Variants in CDK14 observed in about 807,000 individuals in gnomAD.
CDK14 encodes cyclin dependent kinase 14, also known as cyclin-dependent kinase 14.
Under a neutral mutation model 60.7 loss-of-function variants are expected in CDK14, and 34 were observed. That is an observed-to-expected ratio of 0.56 (90% CI 0.43 to 0.75). The LOEUF is 0.75. CDK14 is among the 30% of genes least tolerant of loss of function. The pLI is 0.00. For synonymous variants in CDK14, 197 were observed against 203.7 expected (o/e 0.97, Z 0.28); for missense variants, 482 against 564.1 (o/e 0.85, Z 1.47).
chr7:90,816,259 C>T (rs1339479746), intron 5 of CDK14, among the ~76,000 whole-genome samples: 4 of 152,078 alleles, frequency 2.6e-5, no homozygotes, highest in South Asian at 2.1e-4. Flanking sequence ...ACTAGTACTT[C>T]CACTCCACAT....
chr7:91,030,160 A>G (rs1158928916), intron 10 of CDK14, among the ~76,000 whole-genome samples: 1 of 152,244 alleles, frequency 6.6e-6, no homozygotes, highest in East Asian at 1.9e-4. Flanking sequence ...AATGCTATAT[A>G]TACAGTTGCA....
chr7:91,137,168 A>G (rs1365488843), intron 14 of CDK14, among the ~76,000 whole-genome samples: 1 of 152,218 alleles, frequency 6.6e-6, no homozygotes, highest in Non-Finnish European at 1.5e-5. Flanking sequence ...GTTATGGTTG[A>G]AATGCTTGTC....
chr7:90,775,134 A>G (rs777450149), intron 4 of CDK14, among the ~76,000 whole-genome samples: 3 of 152,186 alleles, frequency 2.0e-5, no homozygotes, highest in Non-Finnish European at 2.9e-5. Flanking sequence ...ACTCTGCTCA[A>G]GAAACAGAAA....
At chr7:90,935,734 T>A (rs895980252) in intron 8 of CDK14, among the ~76,000 whole-genome samples, 24 of 152,210 alleles carry the variant, frequency 1.6e-4, no homozygotes, top group Admixed American at 5.2e-4. Context: ...TGTTTTAAAA[T>A]AGACGTCACA....
At chr7:90,705,772 A>G (rs544168871) in intron 2 of CDK14, among the ~76,000 whole-genome samples, 1 of 151,800 alleles carries the variant, frequency 6.6e-6, no homozygotes, top group African/African-American at 2.4e-5. Context: ...GATGCTAAAA[A>G]GAGAATGAAT....
chr7:90,999,394 C>T (rs1562862565), intron 10 of CDK14, among the ~76,000 whole-genome samples: 1 of 150,518 alleles, frequency 6.6e-6, no homozygotes, highest in African/African-American at 2.4e-5. Flanking sequence ...TGAGACCAGC[C>T]TGGCCAACAT....
At chr7:91,180,051 A>C (rs928040139) in intron 14 of CDK14, among the ~76,000 whole-genome samples, 5 of 152,210 alleles carry the variant, frequency 3.3e-5, no homozygotes, top group Admixed American at 3.3e-4. Context: ...CATTAGAATA[A>C]AATTCTATAA....
rs79521811 is a variant in CDK14 at position 90,718,062 on chromosome 7, T to C, written c.124-8505T>C. Among the ~76,000 whole-genome samples, 1,315 of 152,166 alleles carry C rather than the reference T, an allele frequency of 8.6e-3. 10 individuals carry two copies. Among genetic ancestry groups the C allele is most frequent in the Middle Eastern group, 0.044 (13 of 294 alleles). On this transcript the variant is annotated intron_variant, in intron 2 of 14. Transcript: ENST00000380050. The stretch of plus-strand genomic sequence containing the variant: ...AATCTAAAAATGATGTAGTTGGTAG[T>C]GAGGGCATTTTTGGTTGTGACAGTG...
At chr7:91,088,388 A>G (rs952012205) in intron 12 of CDK14, among the ~76,000 whole-genome samples, 2 of 152,186 alleles carry the variant, frequency 1.3e-5, no homozygotes, top group Non-Finnish European at 2.9e-5. Context: ...AACAGATTTC[A>G]TTATGTCTTT....
At chr7:90,707,655 C>T (rs539090573) in intron 2 of CDK14, among the ~76,000 whole-genome samples, 5 of 152,284 alleles carry the variant, frequency 3.3e-5, no homozygotes, top group East Asian at 1.9e-4. Flanking sequence ...TCTGAGCCTT[C>T]GCAGTGGTGA....
At chr7:90,900,379 A>G (rs1472104454) in intron 7 of CDK14, among the ~76,000 whole-genome samples, 1 of 152,126 alleles carries the variant, frequency 6.6e-6, no homozygotes, top group Non-Finnish European at 1.5e-5. Context: ...CATTTTTCTT[A>G]AAAATGTGTA....
intron 2 of CDK14, among the ~76,000 whole-genome samples, chr7:90,641,794 C>T (rs1165233951): frequency 6.6e-6 from 1 of 152,026 alleles, no homozygotes; most frequent in Non-Finnish European, 1.5e-5. Flanking sequence ...TTTCACACTG[C>T]TGATGAAGAT....
chr7:90,878,166 T>A (rs927321212), intron 6 of CDK14, among the ~76,000 whole-genome samples: 2 of 152,010 alleles, frequency 1.3e-5, no homozygotes, highest in Admixed American at 1.3e-4. Flanking sequence ...TAAAACTGTC[T>A]TATAGAGTAT....
At chr7:91,200,687 C>G (rs550378646) in intron 14 of CDK14, among the ~76,000 whole-genome samples, 1 of 152,216 alleles carries the variant, frequency 6.6e-6, no homozygotes, top group African/African-American at 2.4e-5. Context: ...GATATCTACT[C>G]CAGTGGTCAC....
intron 12 of CDK14, among the ~76,000 whole-genome samples, chr7:91,084,055 A>C (rs535760696): frequency 6.6e-6 from 1 of 152,344 alleles, no homozygotes; most frequent in East Asian, 1.9e-4. Context: ...CTTTTGAGGT[A>C]GGGCAGATAT....
intron 2 of CDK14, among the ~76,000 whole-genome samples, chr7:90,657,680 T>C (rs963964266): frequency 6.6e-6 from 1 of 152,216 alleles, no homozygotes; most frequent in African/African-American, 2.4e-5. Flanking sequence ...GGCTACTCTA[T>C]TGGACAGCAC....
chr7:91,181,278 G>A (rs1393080986), intron 14 of CDK14, among the ~76,000 whole-genome samples: 3 of 152,014 alleles, frequency 2.0e-5, no homozygotes, highest in African/African-American at 4.8e-5. Flanking sequence ...GAAGCCAAAT[G>A]ACTTGTCCTT....
At chr7:91,063,813 G>A (rs374869767) in intron 11 of CDK14, among the ~76,000 whole-genome samples, 40 of 152,280 alleles carry the variant, frequency 2.6e-4, no homozygotes, top group African/African-American at 9.4e-4. Context: ...TCCTTCTGAA[G>A]TATATAACTG....
intron 5 of CDK14, among the ~76,000 whole-genome samples, chr7:90,856,445 A>T (rs1790819359): frequency 6.6e-6 from 1 of 152,138 alleles, no homozygotes; most frequent in African/African-American, 2.4e-5. Flanking sequence ...ACTAAGGAGA[A>T]GGTCCAGATT....
Sources: allele counts gnomAD v4.1 joint callset (sites outside exome capture counted in the v4.1 genomes callset), GRCh38; gene constraint gnomAD v4.1.1; transcripts MANE v1.5; gene names NCBI Gene and HGNC (gene_info 2026-07-23, HGNC 2026-07-21).